C5orf34: variants seen among roughly 807,000 people sequenced by gnomAD.
C5orf34 encodes chromosome 5 open reading frame 34.
In C5orf34, 73 loss-of-function variants were observed where a neutral mutation model predicts 78.4. The observed-to-expected ratio is 0.93, with a 90% CI of 0.77 to 1.13. C5orf34 has a LOEUF of 1.13. Ranked by LOEUF, C5orf34 falls within the 50% of genes most tolerant of loss-of-function variation. C5orf34 has a pLI of 0.00. For synonymous variants in C5orf34, 251 were observed against 246.6 expected (o/e 1.02, Z -0.17); for missense variants, 730 against 732.7 (o/e 1.00, Z 0.04).
chr5:43,499,407 C>A (rs1387470173), intron 6 of C5orf34, among the ~76,000 whole-genome samples: 1 of 152,070 alleles, frequency 6.6e-6, no homozygotes, highest in Non-Finnish European at 1.5e-5. Flanking sequence ...TATGTGGTCC[C>A]AAAGCACCAA....
chr5:43,509,573 A>G (rs1297132632), intron 1 of C5orf34, among the ~76,000 whole-genome samples, 198 bp from the exon 2 acceptor site: 1 of 152,162 alleles, frequency 6.6e-6, no homozygotes, highest in African/African-American at 2.4e-5. Context: ...AGTTTACTCC[A>G]ATGGAGGAAC....
intron 4 of C5orf34, among the ~76,000 whole-genome samples, chr5:43,505,367 G>A (rs1239016853): frequency 6.6e-6 from 1 of 152,246 alleles, no homozygotes; most frequent in Non-Finnish European, 1.5e-5. Context: ...GTGAGCGGCA[G>A]CAGGTGCTCC....
chr5:43,512,698 C>G (rs1280346919), intron 1 of C5orf34, among the ~76,000 whole-genome samples: 1 of 150,002 alleles, frequency 6.7e-6, no homozygotes, highest in African/African-American at 2.5e-5. Context: ...AAGACCTGAC[C>G]TTAGTCCACA....
At chr5:43,488,073 CTCTTTA>C (rs1745133868) in intron 11 of C5orf34, 124 bp from the exon 12 acceptor site, 1 of 667,902 alleles carries the variant, frequency 1.5e-6, no homozygotes, top group Non-Finnish European at 2.5e-6. Context: ...CAGAAGAATT[CTCTTTA>C]TGTTACCTTT....
In C5orf34 at chr5:43,502,378, T is replaced by G; in HGVS notation, c.1146A>C (p.Ser382=). 1 of 1,611,856 alleles carries G rather than the reference T, an allele frequency of 6.2e-7. No homozygotes were observed. The highest frequency in any genetic ancestry group is 8.5e-7 in the Non-Finnish European group (1 of 1,179,090). Residue 382 remains serine (S), a synonymous_variant, in exon 6 of 13, where the codon TCA becomes TCC. Transcript: ENST00000306862. ...GAGTTCATTGTTGGCTTACCTTTCCTGATCCTTCTTGAATAGAATAATAAG... is the reference window on the plus strand; with the variant it reads ...GAGTTCATTGTTGGCTTACCTTTCCGGATCCTTCTTGAATAGAATAATAAG... ...YFTYYSIQEG[S]GKREEKTYSV...
chr5:43,499,430 A>G (rs1470527193), intron 6 of C5orf34, among the ~76,000 whole-genome samples: 2 of 152,150 alleles, frequency 1.3e-5, no homozygotes, highest in African/African-American at 2.4e-5. Flanking sequence ...TCTTATCTCT[A>G]TGGAAGTACT....
Position 43,503,659 on chromosome 5 carries a change from C to T in C5orf34, c.1028+6G>A, listed in dbSNP as rs371351220. ...TCCAACATAGAAGCCAACATAGGTG[C>T]CTTACCTATATGTAACACCTTTGTA... On this transcript the variant is annotated splice_donor_region_variant and intron_variant, in intron 5 of 12. Transcript: ENST00000306862. The T allele has an allele frequency of 1.1e-5, 18 of 1,569,548 alleles. No homozygotes were observed. Among genetic ancestry groups the T allele is most frequent in the Middle Eastern group, 3.4e-4 (2 of 5,964 alleles).
chr5:43,490,843 T>TA (rs1745252374), intron 10 of C5orf34, 114 bp from the exon 11 acceptor site: 1 of 585,126 alleles, frequency 1.7e-6, no homozygotes, highest in African/African-American at 1.9e-5. Flanking sequence ...GAAAAAATGT[T>TA]AAAGTGAAGC....
At chr5:43,508,535 G>A in intron 3 of C5orf34, 42 bp downstream of exon 3, 1 of 1,150,792 alleles carries the variant, frequency 8.7e-7, no homozygotes, top group Non-Finnish European at 1.3e-6. Flanking sequence ...CTAGTTACTT[G>A]TCCTCAAATA....
chr5:43,503,645 A>G lies in C5orf34; in HGVS notation c.1028+20T>C. ...TAAACAGCTCTAACTCCAACATAGA[A>G]GCCAACATAGGTGCCTTACCTATAT... is the stretch of plus-strand genomic sequence containing the variant. On this transcript the variant is annotated intron_variant, in intron 5 of 12. Coordinates refer to ENST00000306862, the MANE Select transcript of C5orf34 (RefSeq NM_198566.4). 1 of 1,502,486 alleles carries G rather than the reference A, an allele frequency of 6.7e-7. No homozygotes were observed. Among genetic ancestry groups the G allele is most frequent in the Non-Finnish European group, 9.3e-7 (1 of 1,078,350 alleles). 93.1% of individuals were successfully genotyped at this position (1,502,486 alleles called of 1,614,324 possible).
chr5:43,509,195 G>A lies in C5orf34; in HGVS notation c.145C>T (p.Gln49Ter), dbSNP rs779041548. 6.2e-7 allele frequency: 1 copy of A among 1,614,064 alleles called. No homozygotes were observed. The highest frequency in any genetic ancestry group is 2.2e-5 in the East Asian group (1 of 44,876). Residue 49 changes from glutamine (Q) to a stop codon, truncating the protein, a stop_gained, in exon 2 of 13, where the codon CAA (glutamine) becomes TAA (stop). Transcript: ENST00000306862. LOFTEE classifies it high-confidence loss of function. ...GTCCTTTGACGAATTCTTTCTGGTT[G>A]TTCTAAAGGATGTGCTGAAACAGGT... ...SPPVSAHPLE[Q>*]PERIRQRTHF... is the part of the protein sequence containing the mutation.
In C5orf34 at chr5:43,509,326, A is replaced by T. The variant is rs1479185114; in HGVS notation, c.14T>A (p.Leu5Gln). 11 of 1,605,146 alleles carry T rather than the reference A, an allele frequency of 6.9e-6. No homozygotes were observed. The highest frequency in any genetic ancestry group is 1.4e-5 in the African/African-American group (1 of 73,488). MAAE[L>Q]RMILYEDDSV... ...ATCATCTTCATAAAGTATCATTCGC[A>T]GTTCAGCTGCCATTACAACGGCAGG... The change falls in exon 2 of 13, where the codon CTG becomes CAG. Residue 5 changes from leucine to glutamine, a missense_variant. Transcript: ENST00000306862.
intron 4 of C5orf34, among the ~76,000 whole-genome samples, 162 bp from the exon 5 acceptor site, chr5:43,503,922 C>T (rs142144820): frequency 6.6e-6 from 1 of 151,984 alleles, no homozygotes; most frequent in African/African-American, 2.4e-5. Context: ...ATGTAAAAAG[C>T]AAGTCTTTTT....
rs753740455 is a variant in C5orf34 at position 43,509,189 on chromosome 5, C to T, written c.151G>A (p.Glu51Lys). 1.2e-6 allele frequency: 2 copies of T among 1,613,852 alleles called. No homozygotes were observed. Among genetic ancestry groups the T allele is most frequent in the Non-Finnish European group, 1.7e-6 (2 of 1,179,946 alleles). Residue 51 changes from glutamate (E) to lysine (K), a missense_variant, in exon 2 of 13, where the codon GAA becomes AAA. Coordinates refer to ENST00000306862, the MANE Select transcript of C5orf34 (RefSeq NM_198566.4). ...PVSAHPLEQPERIRQRTHFVI... is the reference protein window; with the variant it reads ...PVSAHPLEQPKRIRQRTHFVI... ...AAATGTGTCCTTTGACGAATTCTTT[C>T]TGGTTGTTCTAAAGGATGTGCTGAA...
intron 5 of C5orf34, among the ~76,000 whole-genome samples, chr5:43,503,448 A>G (rs1252668633): frequency 6.6e-6 from 1 of 152,238 alleles, no homozygotes. Context: ...CATAAGTCTT[A>G]TAAAAATGGT....
intron 1 of C5orf34, among the ~76,000 whole-genome samples, chr5:43,511,864 C>T (rs1561219371): frequency 6.6e-6 from 1 of 152,114 alleles, no homozygotes; most frequent in Non-Finnish European, 1.5e-5. Context: ...ACTCCCTAAT[C>T]TCAAGTACCC....
chr5:43,487,084 T>C lies in C5orf34; in HGVS notation c.1748A>G (p.Asn583Ser). ...TTCATTTTTCTTGTTAGAAATCTGG[T>C]TTAGGATACCACTATTTTCTAGTAG... ...NLLLENSGIL[N>S]QISNKKNEQQ... The change falls in exon 13 of 13, where the codon AAC becomes AGC. Residue 583 changes from asparagine (N) to serine (S), a missense_variant. By Grantham distance (46) the Asn-to-Ser change is conservative (BLOSUM62 1). Coordinates refer to ENST00000306862, the MANE Select transcript of C5orf34 (RefSeq NM_198566.4). 6.4e-7 allele frequency: 1 copy of C among 1,551,046 alleles called. No homozygotes were observed. Among genetic ancestry groups the C allele is most frequent in the Non-Finnish European group, 8.7e-7 (1 of 1,152,084 alleles).
chr5:43,495,797 C>T, intron 6 of C5orf34: 1 of 1,576,068 alleles, frequency 6.3e-7, no homozygotes, highest in East Asian at 2.2e-5. Flanking sequence ...GCTGGCACTG[C>T]CATCCTTACG....
intron 6 of C5orf34, chr5:43,495,268 A>G (rs1745456794): frequency 2.5e-6 from 4 of 1,606,852 alleles, no homozygotes; most frequent in African/African-American, 1.3e-5. Context: ...TGGCAGCATC[A>G]CCAGACTTCA....
Sources: allele counts gnomAD v4.1 joint callset (sites outside exome capture counted in the v4.1 genomes callset), GRCh38; gene constraint gnomAD v4.1.1; transcripts MANE v1.5; gene names NCBI Gene and HGNC (gene_info 2026-07-23, HGNC 2026-07-21).